Variants in PHF24 observed in about 807,000 individuals in gnomAD.
PHF24 encodes the protein PHD finger protein 24.
Under a neutral mutation model 42.6 loss-of-function variants are expected in PHF24, and 25 were observed. The observed-to-expected ratio is 0.59, with a 90% CI of 0.43 to 0.82. PHF24 has a LOEUF of 0.82. Among genes scored for constraint, PHF24 ranks in the 40% least tolerant of loss-of-function variants. The pLI, the probability that PHF24 is intolerant of heterozygous loss-of-function variation, is 0.00. For synonymous variants in PHF24, 185 were observed against 204.8 expected (o/e 0.90, Z 0.83); for missense variants, 470 against 538.1 (o/e 0.87, Z 1.25).
the PHF24 span, among the ~76,000 whole-genome samples, chr9:34,929,881 T>C: frequency 6.6e-6 from 1 of 152,226 alleles, no homozygotes; most frequent in African/African-American, 2.4e-5. Flanking sequence ...ACTGTGGTCC[T>C]TTAGTCCCCT....
the PHF24 span, among the ~76,000 whole-genome samples, chr9:34,687,080 G>T: frequency 6.6e-6 from 1 of 151,980 alleles, no homozygotes; most frequent in African/African-American, 2.4e-5. Flanking sequence ...AAAGAGGAAG[G>T]CAGAAAGCTA....
chr9:34,918,168 G>A, the PHF24 span: 1 of 1,489,000 alleles, frequency 6.7e-7, no homozygotes, highest in Non-Finnish European at 9.4e-7. Flanking sequence ...TGTCGGCCAG[G>A]AGAAGAAGGG....
chr9:34,814,516 C>A, the PHF24 span, among the ~76,000 whole-genome samples: 1 of 152,208 alleles, frequency 6.6e-6, no homozygotes, highest in African/African-American at 2.4e-5. Context: ...TGTAATGCAG[C>A]CCACTGCATG....
intron 1 of PHF24, among the ~76,000 whole-genome samples, chr9:34,959,541 G>T (rs369468808): frequency 6.6e-6 from 1 of 152,194 alleles, no homozygotes; most frequent in South Asian, 2.1e-4. Context: ...TTGCATTAAG[G>T]TGCCTGCCGA....
intron 1 of PHF24, among the ~76,000 whole-genome samples, chr9:34,970,425 G>A (rs761493621): frequency 2.0e-5 from 3 of 152,184 alleles, no homozygotes; most frequent in African/African-American, 2.4e-5. Flanking sequence ...GTCTGTAATA[G>A]ATAAGCAGAC....
chr9:34,719,758 C>A, the PHF24 span, among the ~76,000 whole-genome samples: 1 of 152,208 alleles, frequency 6.6e-6, no homozygotes, highest in South Asian at 2.1e-4. Context: ...CATTCTGGGC[C>A]TCCCTCTGTT....
chr9:34,918,749 T>A, the PHF24 span, among the ~76,000 whole-genome samples: 2 of 152,310 alleles, frequency 1.3e-5, no homozygotes, highest in Admixed American at 6.5e-5. Flanking sequence ...CAAGAGATAT[T>A]TTTTACATTT....
At chr9:34,895,478 A>AC in the PHF24 span, 15 of 397,786 alleles carry the variant, frequency 3.8e-5, no homozygotes, top group Admixed American at 8.8e-5. Context: ...CAGTGAGGAG[A>AC]CCCCTTTAAA....
the PHF24 span, among the ~76,000 whole-genome samples, chr9:34,786,674 G>T: frequency 6.6e-6 from 1 of 152,168 alleles, no homozygotes; most frequent in Non-Finnish European, 1.5e-5. Flanking sequence ...GAGAAAACTT[G>T]TTGGTCATTT....
chr9:34,714,516 G>C, the PHF24 span, among the ~76,000 whole-genome samples: 6 of 152,192 alleles, frequency 3.9e-5, no homozygotes, highest in South Asian at 1.2e-3. Flanking sequence ...ACGCCAGACC[G>C]CCTTAAATAG....
chr9:34,891,124 G>C, the PHF24 span, among the ~76,000 whole-genome samples: 1 of 152,182 alleles, frequency 6.6e-6, no homozygotes, highest in African/African-American at 2.4e-5. Context: ...CCTGGGACAG[G>C]GTCTGGGCAG....
At chr9:34,974,940 G>T (rs531057094) in intron 3 of PHF24, among the ~76,000 whole-genome samples, 2 of 152,188 alleles carry the variant, frequency 1.3e-5, no homozygotes, top group South Asian at 2.1e-4. Context: ...TCCTGATGAT[G>T]CTGCCTCTAA....
chr9:34,856,001 CTGTCT>C, the PHF24 span, among the ~76,000 whole-genome samples: 1 of 152,014 alleles, frequency 6.6e-6, no homozygotes, highest in Non-Finnish European at 1.5e-5. Context: ...TCTTGTCTGC[CTGTCT>C]TATTTCAGAA....
At chr9:34,800,942 A>T in the PHF24 span, among the ~76,000 whole-genome samples, 1 of 152,154 alleles carries the variant, frequency 6.6e-6, no homozygotes, top group Non-Finnish European at 1.5e-5. Flanking sequence ...TAATATCTAG[A>T]CTCTACAAGG....
In PHF24 at chr9:34,977,164, G is replaced by A. The variant is rs368237591; in HGVS notation, c.931G>A (p.Val311Ile). Reference sequence around the variant, plus strand: ...CCTGGCTCGGGGCAGTGGGAGCACCGTCAGTGAGGCAGAGTGCCGCCGGGC... The same window carrying A: ...CCTGGCTCGGGGCAGTGGGAGCACCATCAGTGAGGCAGAGTGCCGCCGGGC... Residue 311 changes from valine to isoleucine, a missense_variant, in exon 6 of 8, where the codon GTC becomes ATC. Physicochemically the swap from Val to Ile is conservative, Grantham distance 29 (BLOSUM62 3). Transcript: ENST00000242315. The A allele has an allele frequency of 1.4e-5, 23 of 1,613,886 alleles. No homozygotes were observed. In the East Asian group the frequency reaches 1.6e-4, roughly 11 times the overall value.
chr9:34,831,147 A>G, the PHF24 span, among the ~76,000 whole-genome samples: 67,826 of 152,032 alleles, frequency 0.45, 16,001 homozygotes, highest in East Asian at 0.69. Flanking sequence ...GTTTTCAGAA[A>G]TGCAGTGGGA....
chr9:34,779,703 T>C, the PHF24 span, among the ~76,000 whole-genome samples: 1 of 152,168 alleles, frequency 6.6e-6, no homozygotes, highest in Non-Finnish European at 1.5e-5. Context: ...ACAACTAAAC[T>C]CTCACATATA....
At chr9:34,697,797 G>A in the PHF24 span, among the ~76,000 whole-genome samples, 1 of 152,172 alleles carries the variant, frequency 6.6e-6, no homozygotes, top group African/African-American at 2.4e-5. Flanking sequence ...CATTAGTGAG[G>A]GGAACACCAA....
the PHF24 span, among the ~76,000 whole-genome samples, chr9:34,678,912 G>C: frequency 2.0e-5 from 3 of 152,328 alleles, no homozygotes; most frequent in East Asian, 5.8e-4. Context: ...TTACAGGCCT[G>C]AGCCATCACA....
Sources: allele counts gnomAD v4.1 joint callset (sites outside exome capture counted in the v4.1 genomes callset), GRCh38; gene constraint gnomAD v4.1.1; transcripts MANE v1.5; gene names NCBI Gene and HGNC (gene_info 2026-07-23, HGNC 2026-07-21).